CNTN5: variants seen among roughly 807,000 people sequenced by gnomAD.
CNTN5 encodes contactin 5.
In CNTN5, 77 loss-of-function variants were observed where a neutral mutation model predicts 129.1. The observed-to-expected ratio is 0.60, with a 90% CI of 0.50 to 0.72. The LOEUF (loss-of-function observed/expected upper bound fraction) is 0.72, where lower values mean the gene tolerates loss of function less well. Ranked by LOEUF, CNTN5 falls within the 30% of genes least tolerant of loss-of-function variation. The pLI, the probability that CNTN5 is intolerant of heterozygous loss-of-function variation, is 0.00. For missense variants in CNTN5, 1,478 were observed against 1,328.8 expected, an observed-to-expected ratio of 1.11 and a Z score of -1.75; for synonymous variants, 509 against 465.6, an observed-to-expected ratio of 1.09 and a Z score of -1.20.
At chr11:99,521,740 A>G (rs1947283356) in intron 2 of CNTN5, among the ~76,000 whole-genome samples, 1 of 152,168 alleles carries the variant, frequency 6.6e-6, no homozygotes, top group Non-Finnish European at 1.5e-5. Flanking sequence ...AGTCTTTTCT[A>G]ACTTGGACAA....
intron 2 of CNTN5, among the ~76,000 whole-genome samples, chr11:99,358,254 G>GGTTTTTTTTTTTTTTTTT: frequency 2.1e-4 from 1 of 4,818 alleles, no homozygotes; most frequent in Non-Finnish European, 3.7e-4. Flanking sequence ...ACGCCCTGCT[G>GGTTTTTTTTTTTTTTTTT]ATTTTTTTTT....
At chr11:99,772,162 A>AT (rs541345666) in intron 3 of CNTN5, among the ~76,000 whole-genome samples, 3,327 of 144,530 alleles carry the variant, frequency 0.023, 116 homozygotes, top group African/African-American at 0.075. Flanking sequence ...CAATTACTTC[A>AT]TTTTTTTTTT....
intron 8 of CNTN5, among the ~76,000 whole-genome samples, chr11:99,984,850 G>A (rs891249019): frequency 2.6e-5 from 4 of 152,150 alleles, no homozygotes; most frequent in African/African-American, 9.7e-5. Context: ...AATATTTCAT[G>A]ACCGCTTTGT....
intron 3 of CNTN5, among the ~76,000 whole-genome samples, chr11:99,772,154 A>G (rs1331162322): frequency 4.6e-5 from 7 of 151,138 alleles, no homozygotes; most frequent in Middle Eastern, 3.2e-3. Context: ...TACTACATCA[A>G]TTACTTCATT....
chr11:99,427,271 G>A (rs1943160814), intron 2 of CNTN5, among the ~76,000 whole-genome samples: 1 of 152,140 alleles, frequency 6.6e-6, no homozygotes, highest in African/African-American at 2.4e-5. Flanking sequence ...TGTTACATCA[G>A]AAGAAAACAT....
intron 3 of CNTN5, among the ~76,000 whole-genome samples, chr11:99,731,597 G>C (rs1166240862): frequency 6.6e-6 from 1 of 152,126 alleles, no homozygotes; most frequent in Non-Finnish European, 1.5e-5. Flanking sequence ...TTAACATACA[G>C]AGTTGACTGA....
chr11:99,745,613 T>C (rs575479631), intron 3 of CNTN5, among the ~76,000 whole-genome samples: 1 of 152,186 alleles, frequency 6.6e-6, no homozygotes, highest in Non-Finnish European at 1.5e-5. Context: ...AAAATGATGA[T>C]TGATACTTTA....
At chr11:99,634,987 C>T (rs188628831) in intron 3 of CNTN5, among the ~76,000 whole-genome samples, 1 of 152,108 alleles carries the variant, frequency 6.6e-6, no homozygotes, top group Admixed American at 6.5e-5. Context: ...AAATAGAAGA[C>T]AAAATATATA....
At chr11:99,046,032 T>C (rs1313959184) in intron 1 of CNTN5, among the ~76,000 whole-genome samples, 4 of 152,144 alleles carry the variant, frequency 2.6e-5, no homozygotes, top group African/African-American at 9.7e-5. Context: ...TAGAGACCTG[T>C]AACTTGCAAA....
intron 1 of CNTN5, among the ~76,000 whole-genome samples, chr11:99,302,639 T>G (rs12418632): frequency 0.097 from 14,770 of 151,732 alleles, 1,530 homozygotes; most frequent in East Asian, 0.45. Context: ...CTTTTCTGTA[T>G]GCTAGAAACA....
At chr11:100,283,407 GC>G (rs934171700) in intron 18 of CNTN5, among the ~76,000 whole-genome samples, 7 of 152,020 alleles carry the variant, frequency 4.6e-5, no homozygotes, top group Admixed American at 3.9e-4. Flanking sequence ...GAAAGGGGTG[GC>G]ATCAACACTC....
chr11:100,019,471 C>T (rs966031783), intron 9 of CNTN5, among the ~76,000 whole-genome samples: 37 of 152,028 alleles, frequency 2.4e-4, no homozygotes, highest in African/African-American at 6.5e-4. Flanking sequence ...TGGCTTATTT[C>T]GCTTAGCAGA....
chr11:99,042,097 C>T (rs965833019), intron 1 of CNTN5, among the ~76,000 whole-genome samples: 21 of 152,258 alleles, frequency 1.4e-4, no homozygotes, highest in African/African-American at 5.1e-4. Flanking sequence ...TCATTGCATA[C>T]ATAGCATAGC....
In CNTN5 at chr11:100,061,263, G is replaced by T. The variant is rs201683115; in HGVS notation, c.1032G>T (p.Lys344Asn). 1 of 1,613,620 alleles carries T rather than the reference G, an allele frequency of 6.2e-7. No individual in the cohort carries two copies. The highest frequency in any genetic ancestry group is 1.3e-5 in the African/African-American group (1 of 75,040). Reference sequence around the variant, plus strand: ...AGGTTAATGGTTATATTCCTAGTAAGGCACGTCTGCGGAAATCTCAGGCGG... The same window carrying T: ...AGGTTAATGGTTATATTCCTAGTAATGCACGTCTGCGGAAATCTCAGGCGG... ...WMKVNGYIPSKARLRKSQAVL... is the reference protein window; with the variant it reads ...WMKVNGYIPSNARLRKSQAVL... The change falls in exon 10 of 25, where the codon AAG becomes AAT. Residue 344 changes from lysine (K) to asparagine (N), a missense_variant. Physicochemically the swap from Lys to Asn is moderately conservative, Grantham distance 94. Coordinates refer to ENST00000524871, the MANE Select transcript of CNTN5 (RefSeq NM_014361.4).
intron 3 of CNTN5, among the ~76,000 whole-genome samples, chr11:99,628,642 A>G (rs1485004509): frequency 6.6e-6 from 1 of 151,770 alleles, no homozygotes; most frequent in African/African-American, 2.4e-5. Flanking sequence ...ACACACACAC[A>G]CACACACACA....
At chr11:99,485,336 A>T (rs1945770061) in intron 2 of CNTN5, among the ~76,000 whole-genome samples, 1 of 152,078 alleles carries the variant, frequency 6.6e-6, no homozygotes, top group South Asian at 2.1e-4. Context: ...GAACTATTCT[A>T]TATGTTACTA....
Position 99,238,403 on chromosome 11 carries a change from G to T in CNTN5, c.-209-86943G>T, listed in dbSNP as rs115646386. Among the ~76,000 whole-genome samples, 83 of 152,204 alleles carry T rather than the reference G, an allele frequency of 5.5e-4. 1 individual carries two copies. Among genetic ancestry groups the T allele is most frequent in the African/African-American group, 2.0e-3 (83 of 41,548 alleles). Reference sequence around the variant, plus strand: ...TGAACCTACACAATTTCAATTACCAGATTCATTCTTAAATGATATCCCAGA... The same window carrying T: ...TGAACCTACACAATTTCAATTACCATATTCATTCTTAAATGATATCCCAGA... On this transcript the variant is annotated intron_variant, in intron 1 of 24. Coordinates refer to ENST00000524871, the MANE Select transcript of CNTN5 (RefSeq NM_014361.4).
In CNTN5 at chr11:100,283,802, C is replaced by T. The variant is rs191471285; in HGVS notation, c.2314+12561C>T. ...CTCTACTGAAAATACAAAAATTAGCCGGGCGCGGTAGCGGGCACCTGTAAT... is the reference window on the plus strand; with the variant it reads ...CTCTACTGAAAATACAAAAATTAGCTGGGCGCGGTAGCGGGCACCTGTAAT... On this transcript the variant is annotated intron_variant, in intron 18 of 24. Transcript: ENST00000524871. Among the ~76,000 whole-genome samples the T allele has an allele frequency of 4.4e-4, 67 of 152,074 alleles. No homozygotes were observed. The East Asian group carries it at 9.3e-3, about 21-fold the overall frequency.
intron 8 of CNTN5, among the ~76,000 whole-genome samples, chr11:99,976,923 A>C (rs770688579): frequency 2.0e-5 from 3 of 152,182 alleles, no homozygotes; most frequent in East Asian, 1.9e-4. Context: ...TCAGGCTACA[A>C]ATTTTCCAAG....
Sources: gnomAD v4.1 joint callset for allele counts (sites outside exome capture counted in the v4.1 genomes callset) on GRCh38, gnomAD v4.1.1 for gene constraint, MANE v1.5 for transcripts, NCBI Gene and HGNC (gene_info 2026-07-23, HGNC 2026-07-21) for gene names.